ZNF341: variants seen among roughly 807,000 people sequenced by gnomAD.
ZNF341 encodes zinc finger protein 341.
A neutral mutation model predicts 87.7 loss-of-function variants in ZNF341; 52 were observed. The observed-to-expected ratio is 0.59, with a 90% CI of 0.47 to 0.75. The LOEUF is 0.75. Ranked by LOEUF, ZNF341 falls within the 30% of genes least tolerant of loss-of-function variation. The pLI, the probability that ZNF341 is intolerant of heterozygous loss-of-function variation, is 0.00. For synonymous variants in ZNF341, 459 were observed against 472.7 expected (o/e 0.97, Z 0.38); for missense variants, 977 against 1,145.9 (o/e 0.85, Z 2.13).
chr20:33,763,943 G>A (rs2019345097), intron 8 of ZNF341, among the ~76,000 whole-genome samples: 2 of 151,450 alleles, frequency 1.3e-5, no homozygotes, highest in Admixed American at 6.6e-5. Context: ...CAGCACTTTG[G>A]GAGGCTGAGG....
chr20:33,786,591 A>T (rs1456189567), intron 12 of ZNF341, among the ~76,000 whole-genome samples: 3 of 152,184 alleles, frequency 2.0e-5, no homozygotes, highest in Admixed American at 2.0e-4. Context: ...ATTTCTCCAC[A>T]ATAAAGAAGG....
At chr20:33,764,306 C>T (rs992696514) in intron 8 of ZNF341, among the ~76,000 whole-genome samples, 3 of 150,594 alleles carry the variant, frequency 2.0e-5, no homozygotes, top group Non-Finnish European at 3.0e-5. Context: ...GGATTACAGG[C>T]GTGAGCCACT....
rs377464878 is a variant in ZNF341 at position 33,753,361 on chromosome 20, C to G, written c.679C>G (p.Leu227Val). ...VVEVYSAAAP[L>V]AGSGTVEIQA... ...GGAGGTGTACAGTGCTGCTGCGCCC[C>G]TGGCTGGGAGTGGAACGGTGGAGAT... The change falls in exon 5 of 15, where the codon CTG becomes GTG. Residue 227 changes from leucine to valine, a missense_variant. Physicochemically the swap from Leu to Val is conservative, Grantham distance 32 (BLOSUM62 1). Transcript: ENST00000375200. 1.7e-5 allele frequency: 28 copies of G among 1,608,702 alleles called. No homozygotes were observed. In the African/African-American group the frequency reaches 2.4e-4, roughly 14 times the overall value.
intron 1 of ZNF341, among the ~76,000 whole-genome samples, chr20:33,733,752 C>T (rs1049584514): frequency 2.6e-5 from 4 of 152,104 alleles, no homozygotes; most frequent in Non-Finnish European, 5.9e-5. Flanking sequence ...AGTGGGGTTC[C>T]GATTCAAAGA....
At chr20:33,752,533 C>G (rs2626538) in intron 4 of ZNF341, 10,806 of 457,882 alleles carry the variant, frequency 0.024, 1,000 homozygotes, top group African/African-American at 0.2. Context: ...ACCCTTCTTT[C>G]TGGGAGCCAT....
At chr20:33,783,704 AG>A in intron 11 of ZNF341, 27 bp from the exon 12 acceptor site, 1 of 1,613,516 alleles carries the variant, frequency 6.2e-7, no homozygotes, top group Non-Finnish European at 8.5e-7. Flanking sequence ...CCGGTGAGTC[AG>A]ACCTGAAGGC....
chr20:33,742,491 G>A (rs978672395), intron 2 of ZNF341, among the ~76,000 whole-genome samples: 23 of 150,882 alleles, frequency 1.5e-4, no homozygotes, highest in South Asian at 4.2e-4. Flanking sequence ...CACACCGCCC[G>A]GCCAAGTCGA....
rs192556280 is a variant in ZNF341, at chr20:33,761,438, A to G, written c.1029-424A>G. Among the ~76,000 whole-genome samples, 399 of 152,130 alleles carry G rather than the reference A, an allele frequency of 2.6e-3. 3 individuals carry two copies. The highest frequency in any genetic ancestry group is 9.0e-3 in the African/African-American group (373 of 41,510). On this transcript the variant is annotated intron_variant, in intron 7 of 14. Coordinates refer to ENST00000375200, the MANE Select transcript of ZNF341 (RefSeq NM_001282933.2). ...CACCACCACACCCAGTTAATTTTTT[A>G]TCTTTAGTACAGACAGAGTTTCACC...
intron 10 of ZNF341, among the ~76,000 whole-genome samples, chr20:33,774,947 C>CG (rs893420093): frequency 6.6e-6 from 1 of 152,034 alleles, no homozygotes; most frequent in African/African-American, 2.4e-5. Flanking sequence ...GACCCTGTCT[C>CG]GGGGAAAAAC....
At position 33,770,171 on chromosome 20, in the gene ZNF341, C is replaced by G; in HGVS notation, c.1501C>G (p.Leu501Val). 1.2e-6 allele frequency: 2 copies of G among 1,614,180 alleles called. No homozygotes were observed. Among genetic ancestry groups the G allele is most frequent in the Admixed American group, 3.3e-5 (2 of 60,018 alleles). Residue 501 changes from leucine (L) to valine (V), a missense_variant, in exon 10 of 15, where the codon CTG becomes GTG. Around this residue, in one of 3 missense-constraint regions of ZNF341, gnomAD observed 241 missense variants for 335.0 expected, o/e 0.72. Transcript: ENST00000375200. ...LEHIKSHQEE[L>V]SYRCHLCGKD... ...GCACATCAAGAGCCACCAGGAGGAG[C>G]TGAGCTACCGCTGCCACCTCTGCGG... is the stretch of plus-strand genomic sequence containing the variant.
In ZNF341 at chr20:33,732,159, G is replaced by A. The variant is rs1375292241; in HGVS notation, c.31+107G>A. 2.2e-6 allele frequency: 2 copies of A among 917,294 alleles called. No individual in the cohort carries two copies. Among genetic ancestry groups the A allele is most frequent in the Non-Finnish European group, 2.6e-6 (2 of 767,542 alleles). 56.8% of individuals were successfully genotyped at this position (917,294 alleles called of 1,614,324 possible). On this transcript the variant is annotated intron_variant, in intron 1 of 14. Transcript: ENST00000375200. This position sits in a 1 kb window ranked among gnomAD's most constrained non-coding sequence, Gnocchi z 4.5. ...GCGCGCAGCGGCCGCGGGGCGGAGGGCGCCGGGGCTGGAACAGCCGCGGGG... is the reference window on the plus strand; with the variant it reads ...GCGCGCAGCGGCCGCGGGGCGGAGGACGCCGGGGCTGGAACAGCCGCGGGG...
At chr20:33,777,920 CAG>C (rs2019661806) in intron 10 of ZNF341, among the ~76,000 whole-genome samples, 1 of 152,118 alleles carries the variant, frequency 6.6e-6, no homozygotes, top group Non-Finnish European at 1.5e-5. Context: ...AGAATGTCCT[CAG>C]TTTGGGTTTG....
At chr20:33,734,107 G>A (rs547081113) in intron 1 of ZNF341, among the ~76,000 whole-genome samples, 1 of 152,370 alleles carries the variant, frequency 6.6e-6, no homozygotes, top group Admixed American at 6.5e-5. Context: ...AGGACAGTGG[G>A]ATGCATGTTG....
intron 12 of ZNF341, chr20:33,788,629 C>A: frequency 1.9e-6 from 1 of 537,674 alleles, no homozygotes; most frequent in Non-Finnish European, 3.4e-6. Flanking sequence ...CCCTGATGAC[C>A]TGAGGTCTCT....
chr20:33,745,071 C>G (rs2018887498), intron 2 of ZNF341, 32 bp from the exon 3 acceptor site: 3 of 1,585,108 alleles, frequency 1.9e-6, no homozygotes, highest in Non-Finnish European at 2.6e-6. Context: ...CATCTGTGGC[C>G]TCTTCCCACT....
chr20:33,752,891 C>T (rs2019091819), intron 4 of ZNF341, among the ~76,000 whole-genome samples: 1 of 149,520 alleles, frequency 6.7e-6, no homozygotes, highest in East Asian at 2.0e-4. Flanking sequence ...CCTCGTGATC[C>T]GCCCGCCTCA....
rs775337966 is a variant in ZNF341 at position 33,757,195 on chromosome 20, G to A, written c.789G>A (p.Val263=). 1.3e-6 allele frequency: 2 copies of A among 1,593,396 alleles called. No individual in the cohort carries two copies. Among genetic ancestry groups the A allele is most frequent in the South Asian group, 1.1e-5 (1 of 87,978 alleles). Reference sequence around the variant, plus strand: ...CTCCAGTATATCCCACCCCCACAGTGTACAGCCCTGGCAAACAGGGATTCA... The same window carrying A: ...CTCCAGTATATCCCACCCCCACAGTATACAGCCCTGGCAAACAGGGATTCA... The part of the protein sequence containing the change: ...VEPPVYPTPT[V]YSPGKQGFKP... Residue 263 remains valine (V), a synonymous_variant, in exon 6 of 15, where the codon GTG becomes GTA. Transcript: ENST00000375200.
At chr20:33,750,781 C>T (rs1304472297) in intron 4 of ZNF341, among the ~76,000 whole-genome samples, 2 of 152,110 alleles carry the variant, frequency 1.3e-5, no homozygotes, top group Non-Finnish European at 2.9e-5. Context: ...GCTGGTATTA[C>T]AGGCACCCGC....
At position 33,766,981 on chromosome 20, in the gene ZNF341, C is replaced by T. The variant is rs772341778; in HGVS notation, c.1353C>T (p.Pro451=). 1.2e-6 allele frequency: 2 copies of T among 1,614,204 alleles called. No individual in the cohort carries two copies. The highest frequency in any genetic ancestry group is 1.7e-6 in the Non-Finnish European group (2 of 1,180,038). The change falls in exon 9 of 15, where the codon CCC becomes CCT. Residue 451 remains proline, a synonymous_variant. Coordinates refer to ENST00000375200, the MANE Select transcript of ZNF341 (RefSeq NM_001282933.2). The part of the protein sequence containing the change: ...IDSSYLCQFC[P]SKFSTYFQLK... ...GCTCCTACCTGTGCCAATTCTGCCC[C>T]AGCAAATTCAGCACCTACTTCCAGC...
Sources: gnomAD v4.1 joint callset for allele counts (sites outside exome capture counted in the v4.1 genomes callset) on GRCh38, gnomAD v4.1.1 for gene constraint, gnomAD v4.1.1 regional missense constraint, Gnocchi (gnomAD v3.1) non-coding constraint, MANE v1.5 for transcripts, NCBI Gene and HGNC (gene_info 2026-07-23, HGNC 2026-07-21) for gene names.